Variants in DDX55 observed in about 807,000 individuals in gnomAD.
The protein encoded by DDX55 is DEAD-box helicase 55.
Under a neutral mutation model 69.2 loss-of-function variants are expected in DDX55, and 56 were observed. The observed-to-expected ratio is 0.81, with a 90% CI of 0.65 to 1.01. The LOEUF is 1.01. Ranked by LOEUF, DDX55 falls within the 50% of genes least tolerant of loss-of-function variation. The probability of loss-of-function intolerance (pLI) is 0.00; values close to 1 mark genes in which losing one functional copy is unlikely to be tolerated. For missense variants in DDX55, 720 were observed against 745.1 expected (o/e 0.97, Z 0.39); for synonymous variants, 268 against 273.1 (o/e 0.98, Z 0.18).
rs762282042 is a variant in DDX55, at chr12:123,607,640, G to A, written c.379G>A (p.Val127Ile). The A allele has an allele frequency of 3.7e-6, 6 of 1,614,212 alleles. No individual in the cohort carries two copies. The Admixed American group carries it at 1.0e-4, about 27-fold the overall frequency. Residue 127 changes from valine to isoleucine, a missense_variant, in exon 5 of 14, where the codon GTT (valine) becomes ATT (isoleucine). Physicochemically the swap from Val to Ile is conservative, Grantham distance 29 (BLOSUM62 3). Coordinates refer to ENST00000238146, the MANE Select transcript of DDX55 (RefSeq NM_020936.3). Reference protein sequence around the residue: ...WIGGRNPGEDVERFKQQGGNI... With the variant: ...WIGGRNPGEDIERFKQQGGNI... ...CGGAGGCAGGAATCCTGGAGAAGAT[G>A]TTGAGAGGTTTAAGCAACAAGGGTG...
In DDX55 at chr12:123,615,289, T is replaced by A. The variant is rs1954571068; in HGVS notation, c.929T>A (p.Ile310Asn). 1 of 1,614,000 alleles carries A rather than the reference T, an allele frequency of 6.2e-7. No homozygotes were observed. The highest frequency in any genetic ancestry group is 8.5e-7 in the Non-Finnish European group (1 of 1,179,952). Residue 310 changes from isoleucine (I) to asparagine (N), a missense_variant, in exon 9 of 14, where the codon ATC (isoleucine) becomes AAC (asparagine). By Grantham distance (149) the Ile-to-Asn change is moderately radical. Coordinates refer to ENST00000238146, the MANE Select transcript of DDX55 (RefSeq NM_020936.3). ...AAGATGAAATATAAACGCAATAAGA[T>A]CTTCATGGAGTTCCGCAAATTGCAA... ...HGKMKYKRNK[I>N]FMEFRKLQSG...
intron 1 of DDX55, chr12:123,605,484 G>C (rs1482286627): frequency 2.0e-5 from 6 of 300,432 alleles, no homozygotes; most frequent in African/African-American, 4.3e-5. Flanking sequence ...GCTGAATCCT[G>C]GAGGGAGCAG....
At chr12:123,618,511 T>G in intron 11 of DDX55, 158 bp from the exon 12 acceptor site, 1 of 1,533,104 alleles carries the variant, frequency 6.5e-7, no homozygotes, top group Non-Finnish European at 8.8e-7. Context: ...TTAACATACT[T>G]TACAGAGCAT....
At chr12:123,619,158 A>G (rs1263021305) in intron 12 of DDX55, among the ~76,000 whole-genome samples, 2 of 152,066 alleles carry the variant, frequency 1.3e-5, no homozygotes, top group Non-Finnish European at 2.9e-5. Flanking sequence ...GCCCGCCACC[A>G]CGCCCAGCTA....
chr12:123,619,576 A>G lies in DDX55; in HGVS notation c.1478A>G (p.Lys493Arg). ...CCATTTAAAGATAAAATCAGAGAAA[A>G]GCAGAGGCAGAAACTCCTGGAGCAA... ...TIPFKDKIRE[K>R]QRQKLLEQQR... The change falls in exon 13 of 14, where the codon AAG (lysine) becomes AGG (arginine). Residue 493 changes from lysine (K) to arginine (R), a missense_variant. By Grantham distance (26) the Lys-to-Arg change is conservative. Coordinates refer to ENST00000238146, the MANE Select transcript of DDX55 (RefSeq NM_020936.3). 1 of 1,614,144 alleles carries G rather than the reference A, an allele frequency of 6.2e-7. No individual in the cohort carries two copies. The highest frequency in any genetic ancestry group is 1.1e-5 in the South Asian group (1 of 91,074).
Position 123,606,120 on chromosome 12 carries a change from A to G in DDX55, c.207A>G (p.Glu69=). 1.2e-6 allele frequency: 2 copies of G among 1,614,180 alleles called. No homozygotes were observed. Among genetic ancestry groups the G allele is most frequent in the Non-Finnish European group, 1.7e-6 (2 of 1,180,022 alleles). The change falls in exon 3 of 14, where the codon GAA becomes GAG. Residue 69 remains glutamate (E), a synonymous_variant. Coordinates refer to ENST00000238146, the MANE Select transcript of DDX55 (RefSeq NM_020936.3). The part of the protein sequence containing the change: ...KTLAFVIPIL[E]ILLRREEKLK... ...TCGCTTTTGTCATCCCCATCCTGGAAATTCTTCTGAGAAGAGAAGAGAAGT... is the reference window on the plus strand; with the variant it reads ...TCGCTTTTGTCATCCCCATCCTGGAGATTCTTCTGAGAAGAGAAGAGAAGT...
intron 6 of DDX55, among the ~76,000 whole-genome samples, chr12:123,609,736 C>G (rs1447500597): frequency 6.6e-6 from 1 of 152,032 alleles, no homozygotes; most frequent in East Asian, 1.9e-4. Flanking sequence ...TAATTGTATG[C>G]TAAAATTTGA....
intron 11 of DDX55, chr12:123,618,263 C>T (rs1037531140): frequency 3.5e-5 from 16 of 454,988 alleles, no homozygotes; most frequent in African/African-American, 1.4e-4. Context: ...CCGCCCACCT[C>T]GGCCTCCCAA....
At chr12:123,606,858 G>A (rs1174558221) in intron 3 of DDX55, among the ~76,000 whole-genome samples, 1 of 152,188 alleles carries the variant, frequency 6.6e-6, no homozygotes, top group Non-Finnish European at 1.5e-5. Flanking sequence ...TTACAGGTGT[G>A]AGCTACCGCG....
Position 123,619,432 on chromosome 12 carries a change from A to G in DDX55, c.1334A>G (p.Asp445Gly). 1.2e-6 allele frequency: 2 copies of G among 1,611,332 alleles called. No individual in the cohort carries two copies. The highest frequency in any genetic ancestry group is 2.7e-5 in the African/African-American group (2 of 74,826). Residue 445 changes from aspartate to glycine, a missense_variant and splice_region_variant, in exon 13 of 14, where the codon GAT becomes GGT. Coordinates refer to ENST00000238146, the MANE Select transcript of DDX55 (RefSeq NM_020936.3). ...HECNLIFRLK[D>G]LDFASLARGF... Reference sequence around the variant, plus strand: ...AACTCTGATCTTCTGATTGAATCAGATCTTGATTTTGCCAGCCTTGCTCGA... The same window carrying G: ...AACTCTGATCTTCTGATTGAATCAGGTCTTGATTTTGCCAGCCTTGCTCGA...
At chr12:123,617,453 T>G (rs943541586) in intron 10 of DDX55, among the ~76,000 whole-genome samples, 1 of 152,250 alleles carries the variant, frequency 6.6e-6, no homozygotes, top group Non-Finnish European at 1.5e-5. Context: ...ATTTTATTCT[T>G]TGTATTTTTC....
chr12:123,602,546 C>T (rs1439750775), intron 1 of DDX55, among the ~76,000 whole-genome samples: 1 of 152,192 alleles, frequency 6.6e-6, no homozygotes, highest in Non-Finnish European at 1.5e-5. Flanking sequence ...ATGGCTTAAC[C>T]TCTCCGTGCT....
At position 123,605,955 on chromosome 12, in the gene DDX55, C is replaced by A. The variant is rs367561255; in HGVS notation, c.133C>A (p.Arg45=). The A allele has an allele frequency of 3.1e-5, 50 of 1,613,966 alleles. No homozygotes were observed. The Middle Eastern group carries it at 1.5e-3, about 48-fold the overall frequency. The part of the protein sequence containing the change: ...VQSATIPLFM[R]NKDVAAEAVT... ...GTCCGCAACCATCCCTCTGTTCATG[C>A]GAAACAAAGATGTCGCTGCAGAAGC... is the stretch of plus-strand genomic sequence containing the variant. The change falls in exon 2 of 14, where the codon CGA becomes AGA. Residue 45 remains arginine (R), a synonymous_variant. Coordinates refer to ENST00000238146, the MANE Select transcript of DDX55 (RefSeq NM_020936.3).
intron 1 of DDX55, among the ~76,000 whole-genome samples, chr12:123,604,661 T>C (rs535072365): frequency 1.9e-4 from 29 of 152,278 alleles, no homozygotes; most frequent in African/African-American, 6.5e-4. Flanking sequence ...ACACACTAGA[T>C]TTTGAAGACC....
In DDX55 at chr12:123,618,725, C is replaced by G. The variant is rs1593757975; in HGVS notation, c.1221C>G (p.Leu407=). The G allele has an allele frequency of 6.2e-7, 1 of 1,614,182 alleles. No homozygotes were observed. The highest frequency in any genetic ancestry group is 8.5e-7 in the Non-Finnish European group (1 of 1,180,036). ...ACACAGCGGACCTTCTGCCAAAACTCAAGTCCATGGCCCTGGCTGACAGAG... is the reference window on the plus strand; with the variant it reads ...ACACAGCGGACCTTCTGCCAAAACTGAAGTCCATGGCCCTGGCTGACAGAG... The part of the protein sequence containing the change: ...QRNTADLLPK[L]KSMALADRAV... Residue 407 remains leucine (L), a synonymous_variant, in exon 12 of 14, where the codon CTC becomes CTG. Transcript: ENST00000238146.
At chr12:123,609,891 G>A (rs1593693539) in intron 6 of DDX55, 48 bp from the exon 7 acceptor site, 2 of 1,577,644 alleles carry the variant, frequency 1.3e-6, no homozygotes, top group East Asian at 2.2e-5. Context: ...ACTGTGTGTT[G>A]ATTCTGCTGG....
rs375398824 is a variant in DDX55, at chr12:123,617,790, G to A, written c.1082G>A (p.Arg361His). 6.2e-6 allele frequency: 10 copies of A among 1,613,372 alleles called. No individual in the cohort carries two copies. In the African/African-American group the frequency reaches 6.7e-5, roughly 11 times the overall value. Residue 361 changes from arginine (R) to histidine (H), a missense_variant, in exon 11 of 14, where the codon CGC becomes CAC. Physicochemically the swap from Arg to His is conservative, Grantham distance 29. Transcript: ENST00000238146. ...GTGCATCGCTGCGGTCGCACAGCTC[G>A]CATTGGCCACGGGGGCAGCGCTCTG... ...AFVHRCGRTA[R>H]IGHGGSALVF... is the part of the protein sequence containing the mutation.
At position 123,620,607 on chromosome 12, in the gene DDX55, T is replaced by C. The variant is rs1450087578; in HGVS notation, c.*467T>C. Reference sequence around the variant, plus strand: ...ATATATATATATATATATATATATATATATATATATATATATATATAAGCT... The same window carrying C: ...ATATATATATATATATATATATATACATATATATATATATATATATAAGCT... On this transcript the variant is annotated 3_prime_UTR_variant, in exon 14 of 14. Coordinates refer to ENST00000238146, the MANE Select transcript of DDX55 (RefSeq NM_020936.3). 1 of 75,948 alleles carries C rather than the reference T, an allele frequency of 1.3e-5. No individual in the cohort carries two copies. Among genetic ancestry groups the C allele is most frequent in the African/African-American group, 4.1e-5 (1 of 24,138 alleles). 4.7% of individuals were successfully genotyped at this position (75,948 alleles called of 1,614,324 possible). A position where few individuals can be genotyped will look rare whatever the true frequency, so the allele number is the denominator to read the frequency against.
chr12:123,603,999 C>T (rs929008611), intron 1 of DDX55, among the ~76,000 whole-genome samples: 6 of 151,988 alleles, frequency 3.9e-5, no homozygotes, highest in African/African-American at 1.2e-4. Context: ...GACGGGATTT[C>T]GCCATGTTGG....
Sources: gnomAD v4.1 joint callset for allele counts (sites outside exome capture counted in the v4.1 genomes callset) on GRCh38, gnomAD v4.1.1 for gene constraint, MANE v1.5 for transcripts, NCBI Gene and HGNC (gene_info 2026-07-23, HGNC 2026-07-21) for gene names.